MAN2B2: variants seen among roughly 807,000 people sequenced by gnomAD.
The protein encoded by MAN2B2 is mannosidase alpha class 2B member 2, also known as epididymis-specific alpha-mannosidase.
Under a neutral mutation model 117.1 loss-of-function variants are expected in MAN2B2, and 106 were observed. The ratio of observed to expected loss-of-function variants is 0.90; its 90% CI spans 0.77 to 1.06. MAN2B2 has a LOEUF of 1.06. MAN2B2 is among the 50% of genes least tolerant of loss of function. MAN2B2 has a pLI of 0.00. For synonymous variants in MAN2B2, 544 were observed against 595.1 expected, an observed-to-expected ratio of 0.91 and a Z score of 1.25; for missense variants, 1,326 against 1,381.4, an observed-to-expected ratio of 0.96 and a Z score of 0.64.
rs536538360 is a variant in MAN2B2, at chr4:6,608,994, G to A, written c.1815-113G>A. On this transcript the variant is annotated intron_variant, in intron 11 of 18. Transcript: ENST00000285599. ...TAGATGAGCTGAGTCACATGGCCTC[G>A]TGAGTGCTACGCAGGCCACTCAGAT... The A allele has an allele frequency of 2.6e-5, 24 of 936,396 alleles. 1 individual carries two copies. The highest frequency in any genetic ancestry group is 1.4e-4 in the Admixed American group (5 of 36,700). 58.0% of individuals were successfully genotyped at this position (936,396 alleles called of 1,614,324 possible).
At chr4:6,621,019 GCA>G in intron 18 of MAN2B2, 167 bp from the exon 19 acceptor site, 3 of 581,740 alleles carry the variant, frequency 5.2e-6, no homozygotes, top group Non-Finnish European at 9.2e-6. Flanking sequence ...GTAGCCAGGT[GCA>G]GTGTGGTGAG....
chr4:6,597,418 G>C (rs954983281), intron 8 of MAN2B2, 115 bp downstream of exon 8: 1 of 1,157,170 alleles, frequency 8.6e-7, no homozygotes, highest in Non-Finnish European at 1.2e-6. Flanking sequence ...CCACTTTACA[G>C]AGGGGAAACT....
intron 3 of MAN2B2, among the ~76,000 whole-genome samples, chr4:6,585,750 G>A (rs1469564035): frequency 6.6e-6 from 1 of 152,178 alleles, no homozygotes. Context: ...TCATCTGAAG[G>A]CTGGACTGGG....
chr4:6,595,123 C>T (rs1197816302), intron 7 of MAN2B2, among the ~76,000 whole-genome samples: 1 of 152,226 alleles, frequency 6.6e-6, no homozygotes, highest in African/African-American at 2.4e-5. Context: ...CCTTTCACTG[C>T]ACAGTCATTA....
intron 5 of MAN2B2, among the ~76,000 whole-genome samples, chr4:6,591,038 C>T (rs551178121): frequency 7.8e-4 from 119 of 152,232 alleles, no homozygotes; most frequent in African/African-American, 2.8e-3. Flanking sequence ...ATCTCAGCTA[C>T]CTGGGAGGCT....
At chr4:6,587,998 A>T (rs1726709632) in intron 4 of MAN2B2, among the ~76,000 whole-genome samples, 3 of 151,590 alleles carry the variant, frequency 2.0e-5, no homozygotes, top group Non-Finnish European at 4.4e-5. Context: ...TCCTCAAGCG[A>T]TCCGCCCACC....
rs561541721 is a variant in MAN2B2, at chr4:6,581,640, G to A, written c.391+3142G>A. Among the ~76,000 whole-genome samples the A allele has an allele frequency of 4.0e-5, 6 of 151,788 alleles. No homozygotes were observed. The South Asian group carries it at 1.3e-3, about 32-fold the overall frequency. On this transcript the variant is annotated intron_variant, in intron 3 of 18. Transcript: ENST00000285599. ...CTTTATCCTCCATCTCACCTTGGTGGAGCCCCTGCCTCGAGGCAGGCCCTG... is the reference window on the plus strand; with the variant it reads ...CTTTATCCTCCATCTCACCTTGGTGAAGCCCCTGCCTCGAGGCAGGCCCTG...
chr4:6,597,049 G>A, intron 7 of MAN2B2, 64 bp from the exon 8 acceptor site: 1 of 1,493,602 alleles, frequency 6.7e-7, no homozygotes, highest in Non-Finnish European at 9.2e-7. Flanking sequence ...CTCTTCCAGG[G>A]CTGGAGCTTA....
At chr4:6,589,024 A>G in intron 4 of MAN2B2, 21 bp from the exon 5 acceptor site, 4 of 1,598,150 alleles carry the variant, frequency 2.5e-6, no homozygotes, top group Non-Finnish European at 2.6e-6. Flanking sequence ...CTCCAGCCTC[A>G]TTCTTCTCCT....
chr4:6,608,402 G>A (rs537611868), intron 11 of MAN2B2, among the ~76,000 whole-genome samples: 10 of 152,208 alleles, frequency 6.6e-5, no homozygotes, highest in Non-Finnish European at 1.3e-4. Flanking sequence ...AGCCAGGCCA[G>A]ACTCAGATAC....
intron 15 of MAN2B2, among the ~76,000 whole-genome samples, chr4:6,612,299 T>C (rs550270365): frequency 6.6e-6 from 1 of 152,284 alleles, no homozygotes; most frequent in African/African-American, 2.4e-5. Context: ...CATGCTCGTA[T>C]AGAGCCAGGA....
chr4:6,589,528 G>A (rs1024869203), intron 5 of MAN2B2, among the ~76,000 whole-genome samples: 2 of 152,018 alleles, frequency 1.3e-5, no homozygotes, highest in African/African-American at 4.8e-5. Flanking sequence ...GGCATGAGCC[G>A]CCGCGCCCAG....
In MAN2B2 at chr4:6,595,240, T is replaced by C. The variant is rs146488423; in HGVS notation, c.1057+508T>C. Among the ~76,000 whole-genome samples, 331 of 152,324 alleles carry C rather than the reference T, an allele frequency of 2.2e-3. 3 individuals are homozygous for C. Among genetic ancestry groups the C allele is most frequent in the African/African-American group, 7.6e-3 (315 of 41,560 alleles). On this transcript the variant is annotated intron_variant, in intron 7 of 18. Coordinates refer to ENST00000285599, the MANE Select transcript of MAN2B2 (RefSeq NM_015274.3). ...GGGCTGGCTGTGAGTAAGCCTCTACTCGCTGCCTGTGTGCAAGTCATGAAA... is the reference window on the plus strand; with the variant it reads ...GGGCTGGCTGTGAGTAAGCCTCTACCCGCTGCCTGTGTGCAAGTCATGAAA...
chr4:6,619,938 G>C lies in MAN2B2; in HGVS notation c.2826G>C (p.Gln942His), dbSNP rs760733896. 19 of 1,613,832 alleles carry C rather than the reference G, an allele frequency of 1.2e-5. 1 individual carries two copies. The highest frequency in any genetic ancestry group is 7.6e-6 in the Non-Finnish European group (9 of 1,179,914). The change falls in exon 18 of 19, where the codon CAG becomes CAC. Residue 942 changes from glutamine to histidine, a missense_variant. Gln to His is a conservative substitution (Grantham distance 24). Transcript: ENST00000285599. ...TCCTCTCCCTGCAGGCTGTGCTGCA[G>C]GCGCTGGGGTCCGTGGTGGCAGTGG... Reference protein sequence around the residue: ...PVTVNLEAVLQALGSVVAVEE... With the variant: ...PVTVNLEAVLHALGSVVAVEE...
chr4:6,587,750 G>GTTTTTTTTTTTTTTTTT (rs201846526), intron 4 of MAN2B2, among the ~76,000 whole-genome samples: 1 of 113,480 alleles, frequency 8.8e-6, no homozygotes, highest in African/African-American at 3.8e-5. Flanking sequence ...TTGGGTTGTT[G>GTTTTTTTTTTTTTTTTT]TTTTTTTTTT....
chr4:6,611,350 G>A (rs542180221), intron 15 of MAN2B2, 72 bp downstream of exon 15: 3 of 1,465,630 alleles, frequency 2.0e-6, no homozygotes, highest in Admixed American at 2.3e-5. Context: ...GGCCTTGGGA[G>A]GGGCCTGTGC....
In MAN2B2 at chr4:6,598,238, AG is replaced by A; in HGVS notation, c.1291del (p.Val431Ter). The A allele has an allele frequency of 6.2e-7, 1 of 1,613,790 alleles. No homozygotes were observed. Among genetic ancestry groups the A allele is most frequent in the Non-Finnish European group, 8.5e-7 (1 of 1,180,028 alleles). On this transcript the variant is annotated frameshift_variant, in exon 9 of 19. Coordinates refer to ENST00000285599, the MANE Select transcript of MAN2B2 (RefSeq NM_015274.3). LOFTEE classifies it high-confidence loss of function. ...HDAITGTESPKVRDMYATHLA... is the reference protein window; with the variant it reads ...HDAITGTESPXVRDMYATHLA... ...GCCATCACTGGGACTGAGTCCCCCA[AG>A]GTGAGAGACATGTACGCAACGCACC... is the stretch of plus-strand genomic sequence containing the variant.
intron 12 of MAN2B2, 75 bp from the exon 13 acceptor site, chr4:6,609,721 ATG>A: frequency 1.8e-6 from 2 of 1,085,676 alleles, no homozygotes; most frequent in Non-Finnish European, 2.6e-6. Flanking sequence ...CCCTGCCCAC[ATG>A]AAGGAAGGGA....
intron 10 of MAN2B2, among the ~76,000 whole-genome samples, chr4:6,602,341 C>T (rs1727365879): frequency 6.6e-6 from 1 of 152,208 alleles, no homozygotes; most frequent in Non-Finnish European, 1.5e-5. Flanking sequence ...ATCAAGGTGC[C>T]AGCATGGCCG....
Sources: gnomAD v4.1 joint callset for allele counts (sites outside exome capture counted in the v4.1 genomes callset) on GRCh38, gnomAD v4.1.1 for gene constraint, MANE v1.5 for transcripts, NCBI Gene and HGNC (gene_info 2026-07-23, HGNC 2026-07-21) for gene names.